Variants in PAK3 observed in about 807,000 individuals in gnomAD.
PAK3 encodes p21 (RAC1) activated kinase 3.
A neutral mutation model predicts 41.0 loss-of-function variants in PAK3; 4 were observed. That is an observed-to-expected ratio of 0.10 (90% CI 0.05 to 0.22). PAK3 has a LOEUF of 0.22. Among genes scored for constraint, PAK3 ranks in the 10% least tolerant of loss-of-function variants. PAK3 has a pLI of 1.00. For synonymous variants in PAK3, 146 were observed against 139.6 expected (o/e 1.05, Z -0.32); for missense variants, 205 against 409.9 (o/e 0.50, Z 4.32).
chrX:111,086,626 A>G (rs2092886340), intron 1 of PAK3, among the ~76,000 whole-genome samples: 1 of 111,263 alleles, frequency 9.0e-6, no homozygotes, highest in African/African-American at 3.3e-5. Flanking sequence ...CTTTCAAAAC[A>G]GAGCCCGCAA....
chrX:111,077,358 T>C (rs2148832265), intron 1 of PAK3, among the ~76,000 whole-genome samples: 1 of 112,112 alleles, frequency 8.9e-6, no homozygotes, highest in East Asian at 2.8e-4. Flanking sequence ...CAAAGAAATC[T>C]TGAGTGAAAA....
At chrX:111,118,721 GA>G (rs1426152939) in intron 4 of PAK3, among the ~76,000 whole-genome samples, 1 of 110,793 alleles carries the variant, frequency 9.0e-6, no homozygotes, top group Non-Finnish European at 1.9e-5. Flanking sequence ...GTTTTCATTG[GA>G]AAAATATAAA....
intron 1 of PAK3, among the ~76,000 whole-genome samples, chrX:110,978,615 T>C (rs765692843): frequency 8.9e-6 from 1 of 111,755 alleles, no homozygotes; most frequent in Non-Finnish European, 1.9e-5. Flanking sequence ...ATTTGAATCA[T>C]ATTTATGAAG....
intron 1 of PAK3, among the ~76,000 whole-genome samples, chrX:111,030,795 A>G (rs2092331185): frequency 9.0e-6 from 1 of 111,403 alleles, no homozygotes; most frequent in African/African-American, 3.3e-5. Context: ...GTTATTTTCC[A>G]CTTCTTTAAT....
Position 111,123,198 on chromosome X carries a change from C to T in PAK3, c.95C>T (p.Ser32Phe). Residue 32 changes from serine to phenylalanine, a missense_variant, in exon 5 of 18, where the codon TCC becomes TTC. Physicochemically the swap from Ser to Phe is radical, Grantham distance 155. This residue lies in a region of PAK3 where 26 missense variants were observed against 27.4 expected (regional missense o/e 0.95). Transcript: ENST00000372007. Reference sequence around the variant, plus strand: ...GATTCTTCAGCACTCAACCACAGCTCCAAACCACTTCCCATGGCCCCTGAA... The same window carrying T: ...GATTCTTCAGCACTCAACCACAGCTTCAAACCACTTCCCATGGCCCCTGAA... ...NRDSSALNHSSKPLPMAPEEK... is the reference protein window; with the variant it reads ...NRDSSALNHSFKPLPMAPEEK... The T allele has an allele frequency of 1.7e-6, 2 of 1,206,430 alleles. No homozygotes were observed. The highest frequency in any genetic ancestry group is 2.2e-6 in the Non-Finnish European group (2 of 890,445).
At chrX:111,216,920 A>G in intron 17 of PAK3, 1 of 751,084 alleles carries the variant, frequency 1.3e-6, no homozygotes, top group Non-Finnish European at 1.6e-6. Flanking sequence ...CTACATAACT[A>G]TGCAATTATT....
intron 8 of PAK3, among the ~76,000 whole-genome samples, chrX:111,153,699 T>C (rs12116264): frequency 0.15 from 17,089 of 111,417 alleles, 2,736 homozygotes; most frequent in African/African-American, 0.49. Flanking sequence ...CAGTAGATCT[T>C]CTTTAGTTGT....
intron 16 of PAK3, among the ~76,000 whole-genome samples, chrX:111,199,301 T>C (rs2094651604): frequency 8.9e-6 from 1 of 111,742 alleles, no homozygotes; most frequent in Non-Finnish European, 1.9e-5. Flanking sequence ...CTCTTCCTAT[T>C]TGGATGCCTT....
intron 1 of PAK3, among the ~76,000 whole-genome samples, chrX:111,047,262 A>G (rs1006856785): frequency 1.9e-4 from 21 of 111,882 alleles, no homozygotes; most frequent in Non-Finnish European, 3.8e-4. Context: ...CCCCAACCTT[A>G]GAGAGTTGAT....
At chrX:111,006,840 TCTTTC>T (rs2091935309) in intron 1 of PAK3, among the ~76,000 whole-genome samples, 1 of 12,959 alleles carries the variant, frequency 7.7e-5, no homozygotes, top group African/African-American at 1.2e-4. Context: ...TTTCTTTCTT[TCTTTC>T]TTTCTTTTTT....
intron 1 of PAK3, among the ~76,000 whole-genome samples, chrX:110,956,149 A>G (rs1000229603): frequency 3.6e-5 from 4 of 112,166 alleles, no homozygotes; most frequent in Non-Finnish European, 5.6e-5. Flanking sequence ...GAATGCATGA[A>G]GCTCCATGAA....
chrX:111,021,595 T>G (rs2148726295), intron 1 of PAK3, among the ~76,000 whole-genome samples: 1 of 110,914 alleles, frequency 9.0e-6, no homozygotes, highest in Non-Finnish European at 1.9e-5. Flanking sequence ...AAAACAATTC[T>G]GGTAATACGA....
In PAK3 at chrX:111,007,910, G is replaced by A. The variant is rs913543678; in HGVS notation, c.-28+63282G>A. 1.4e-4 allele frequency among the ~76,000 whole-genome samples: 16 copies of A among 111,809 alleles called. 2 individuals are homozygous for A. The highest frequency in any genetic ancestry group is 1.3e-3 in the Admixed American group (14 of 10,546). ...ATGAGAAAGGCCCTGGAGTTGGTCA[G>A]CCCTGAGTTTGTATCCTCGCTTTAC... On this transcript the variant is annotated intron_variant, in intron 1 of 14. Coordinates refer to the PAK3 transcript ENST00000425146.
chrX:111,000,500 G>T (rs1262476360), intron 1 of PAK3, among the ~76,000 whole-genome samples: 1 of 111,974 alleles, frequency 8.9e-6, no homozygotes, highest in Non-Finnish European at 1.9e-5. Flanking sequence ...GATTAGAGGA[G>T]GCTAATGAGG....
intron 7 of PAK3, among the ~76,000 whole-genome samples, chrX:111,149,034 G>A (rs952803585): frequency 8.9e-6 from 1 of 111,806 alleles, no homozygotes; most frequent in Non-Finnish European, 1.9e-5. Flanking sequence ...ATACAATAGA[G>A]GTACAGGCAT....
intron 1 of PAK3, among the ~76,000 whole-genome samples, chrX:110,981,318 A>G (rs182693792): frequency 2.2e-4 from 25 of 112,334 alleles, no homozygotes; most frequent in African/African-American, 1.3e-4. Context: ...ATCTTTTACT[A>G]AATAATTTTT....
chrX:111,001,267 C>A (rs1181636438), intron 1 of PAK3, among the ~76,000 whole-genome samples: 1 of 112,214 alleles, frequency 8.9e-6, no homozygotes. Flanking sequence ...CTGTTTCCAA[C>A]CAAGTCACAG....
intron 1 of PAK3, among the ~76,000 whole-genome samples, chrX:111,028,698 C>T (rs934160063): frequency 1.8e-5 from 2 of 111,879 alleles, no homozygotes; most frequent in African/African-American, 6.5e-5. Context: ...TTAGTAAGCA[C>T]TTGCTGTGTT....
At chrX:110,982,806 G>T (rs1402700193) in intron 1 of PAK3, among the ~76,000 whole-genome samples, 2 of 110,875 alleles carry the variant, frequency 1.8e-5, no homozygotes, top group African/African-American at 3.3e-5. Context: ...AGCAAGGGCA[G>T]ACCCCAAAGA....
Sources: allele counts gnomAD v4.1 joint callset (sites outside exome capture counted in the v4.1 genomes callset), GRCh38; gene constraint gnomAD v4.1.1; regional missense constraint gnomAD v4.1.1; transcripts MANE v1.5; gene names NCBI Gene and HGNC (gene_info 2026-07-23, HGNC 2026-07-21).